SNTG2: variants seen among roughly 807,000 people sequenced by gnomAD.
SNTG2 encodes the protein gamma-2-syntrophin.
In SNTG2, 74 loss-of-function variants were observed where a neutral mutation model predicts 70.9. That is an observed-to-expected ratio of 1.04 (90% confidence interval 0.86 to 1.27). The LOEUF is 1.27. Among genes scored for constraint, SNTG2 ranks in the 50% most tolerant of loss-of-function variants. The probability of loss-of-function intolerance (pLI) is 0.00; values close to 1 mark genes in which losing one functional copy is unlikely to be tolerated. For missense variants in SNTG2, 717 were observed against 690.7 expected, an observed-to-expected ratio of 1.04 and a Z score of -0.43; for synonymous variants, 278 against 273.8, an observed-to-expected ratio of 1.02 and a Z score of -0.15.
At chr2:1,187,412 C>T (rs1558507807) in intron 8 of SNTG2, among the ~76,000 whole-genome samples, 1 of 152,126 alleles carries the variant, frequency 6.6e-6, no homozygotes, top group Non-Finnish European at 1.5e-5. Flanking sequence ...GGTGACCTCA[C>T]CAAGCAAGAA....
chr2:1,147,479 C>T lies in SNTG2; in HGVS notation c.411+9670C>T, dbSNP rs146517704. 6.3e-3 allele frequency among the ~76,000 whole-genome samples: 954 copies of T among 152,360 alleles called. 7 individuals carry two copies. The highest frequency in any genetic ancestry group is 0.013 in the Admixed American group (194 of 15,312). ...CATCTTTCTCCCATGCTGGATGCTT[C>T]CTGCCCTTGAACATCAGACTTCAAG... On this transcript the variant is annotated intron_variant, in intron 6 of 16. Coordinates refer to ENST00000308624, the MANE Select transcript of SNTG2 (RefSeq NM_018968.4).
chr2:1,265,017 T>C (rs1245504809), intron 13 of SNTG2, among the ~76,000 whole-genome samples: 1 of 152,262 alleles, frequency 6.6e-6, no homozygotes, highest in Non-Finnish European at 1.5e-5. Context: ...AATCTTCAAC[T>C]GCGTGAGAGT....
At chr2:1,297,255 C>T (rs1214123163) in intron 14 of SNTG2, among the ~76,000 whole-genome samples, 1 of 152,250 alleles carries the variant, frequency 6.6e-6, no homozygotes, top group Non-Finnish European at 1.5e-5. Context: ...CCATACTCAT[C>T]ACCTGAAGGT....
At chr2:1,006,062 G>C (rs1659561185) in intron 1 of SNTG2, among the ~76,000 whole-genome samples, 1 of 149,170 alleles carries the variant, frequency 6.7e-6, no homozygotes. Flanking sequence ...GTAAACTATT[G>C]CAAGAACAAA....
intron 6 of SNTG2, among the ~76,000 whole-genome samples, chr2:1,143,189 A>G (rs1381018195): frequency 7.4e-6 from 1 of 135,768 alleles, no homozygotes; most frequent in African/African-American, 2.8e-5. Flanking sequence ...CCCTAACTGT[A>G]GAGAGACTCA....
chr2:1,360,909 G>GT (rs897928148), intron 16 of SNTG2, among the ~76,000 whole-genome samples: 3 of 152,038 alleles, frequency 2.0e-5, no homozygotes, highest in African/African-American at 4.8e-5. Context: ...TGTCCCAGTG[G>GT]TTTTTTGTCT....
At chr2:1,188,268 A>G (rs549394764) in intron 8 of SNTG2, among the ~76,000 whole-genome samples, 31 of 152,326 alleles carry the variant, frequency 2.0e-4, no homozygotes, top group Non-Finnish European at 4.1e-4. Flanking sequence ...AGTAAAGATA[A>G]ATAAAATGAA....
At chr2:1,174,951 C>A (rs897878245) in intron 8 of SNTG2, among the ~76,000 whole-genome samples, 4 of 152,168 alleles carry the variant, frequency 2.6e-5, no homozygotes, top group Non-Finnish European at 5.9e-5. Flanking sequence ...GGTTAAAAAT[C>A]TCTTCCTACA....
At chr2:983,980 A>G (rs4619639) in intron 1 of SNTG2, among the ~76,000 whole-genome samples, 59,566 of 151,974 alleles carry the variant, frequency 0.39, 12,031 homozygotes, top group Middle Eastern at 0.48. Context: ...GTCAGTGTCA[A>G]GAGGAGGCCA....
At chr2:1,102,040 T>C (rs898464904) in intron 4 of SNTG2, among the ~76,000 whole-genome samples, 16 of 152,240 alleles carry the variant, frequency 1.1e-4, no homozygotes, top group Admixed American at 9.2e-4. Context: ...GATAAGACGC[T>C]TCTCGGGCCA....
chr2:1,001,515 C>A (rs909170276), intron 1 of SNTG2, among the ~76,000 whole-genome samples: 1 of 151,780 alleles, frequency 6.6e-6, no homozygotes, highest in East Asian at 1.9e-4. Flanking sequence ...ATTCCATGTA[C>A]AATAGCTACA....
intron 1 of SNTG2, among the ~76,000 whole-genome samples, chr2:967,512 G>T (rs1171467966): frequency 1.3e-5 from 2 of 152,078 alleles, no homozygotes; most frequent in Non-Finnish European, 2.9e-5. Context: ...GTTACACATT[G>T]ATTCTGTAAT....
chr2:1,333,142 C>A (rs1056287109), intron 16 of SNTG2, among the ~76,000 whole-genome samples: 1 of 152,160 alleles, frequency 6.6e-6, no homozygotes. Context: ...ATGAGTAGCA[C>A]TGCTATACAC....
At chr2:1,101,200 C>G (rs1401212428) in intron 4 of SNTG2, among the ~76,000 whole-genome samples, 1 of 152,204 alleles carries the variant, frequency 6.6e-6, no homozygotes, top group African/African-American at 2.4e-5. Flanking sequence ...CCACCCAGAG[C>G]CTGCCTGCCT....
chr2:1,105,244 T>C (rs1666037889), intron 4 of SNTG2, among the ~76,000 whole-genome samples: 2 of 152,032 alleles, frequency 1.3e-5, no homozygotes, highest in Admixed American at 1.3e-4. Flanking sequence ...GTGGCCCCAC[T>C]TGCATTTTGT....
At chr2:1,113,915 C>T (rs1327772309) in intron 4 of SNTG2, among the ~76,000 whole-genome samples, 1 of 151,484 alleles carries the variant, frequency 6.6e-6, no homozygotes, top group African/African-American at 2.4e-5. Context: ...AGGTTTAACC[C>T]TTACAGTCCT....
intron 14 of SNTG2, among the ~76,000 whole-genome samples, chr2:1,291,703 A>C (rs923552624): frequency 6.6e-6 from 1 of 152,258 alleles, no homozygotes; most frequent in East Asian, 1.9e-4. Flanking sequence ...CCATTGATCT[A>C]TGTCTTTCTT....
chr2:1,187,525 A>G (rs1006891195), intron 8 of SNTG2, among the ~76,000 whole-genome samples: 3 of 152,196 alleles, frequency 2.0e-5, no homozygotes, highest in Admixed American at 6.5e-5. Context: ...TCAAGCCTCC[A>G]CAATCACATA....
chr2:1,221,070 G>C (rs369397715), intron 9 of SNTG2, among the ~76,000 whole-genome samples: 1 of 152,204 alleles, frequency 6.6e-6, no homozygotes, highest in East Asian at 1.9e-4. Flanking sequence ...CTTCTTTCCT[G>C]GGAATTCAGA....
Sources: gnomAD v4.1 joint callset for allele counts (sites outside exome capture counted in the v4.1 genomes callset) on GRCh38, gnomAD v4.1.1 for gene constraint, MANE v1.5 for transcripts, NCBI Gene and HGNC (gene_info 2026-07-23, HGNC 2026-07-21) for gene names.